Variants in KALRN observed in about 807,000 individuals in gnomAD.
KALRN encodes the protein kalirin.
Under a neutral mutation model 353.7 loss-of-function variants are expected in KALRN, and 70 were observed. The observed-to-expected ratio is 0.20, with a 90% CI of 0.16 to 0.24. The LOEUF (loss-of-function observed/expected upper bound fraction) is 0.24. Among genes scored for constraint, KALRN ranks in the 10% least tolerant of loss-of-function variants. The pLI is 1.00. For missense variants in KALRN, 2,791 were observed against 3,756.7 expected (o/e 0.74, Z 6.72); for synonymous variants, 1,391 against 1,434.8 (o/e 0.97, Z 0.69).
At chr3:124,543,134 A>G (rs2069224320) in intron 33 of KALRN, among the ~76,000 whole-genome samples, 3 of 152,260 alleles carry the variant, frequency 2.0e-5, no homozygotes, top group Admixed American at 1.3e-4. Context: ...GAGAACAAGG[A>G]GGAAGCAGCA....
chr3:124,294,520 C>CTTGTTTT (rs2076686506), intron 5 of KALRN, among the ~76,000 whole-genome samples: 1 of 73,894 alleles, frequency 1.4e-5, no homozygotes. Context: ...AGATTCTCTT[C>CTTGTTTT]TTTTTTTTTT....
intron 1 of KALRN, among the ~76,000 whole-genome samples, chr3:124,106,576 C>G (rs902378105): frequency 3.9e-5 from 6 of 152,098 alleles, no homozygotes; most frequent in African/African-American, 4.8e-5. Context: ...GACATCAGTT[C>G]CTCCTCCCTT....
At chr3:124,435,387 C>T (rs977196576) in intron 17 of KALRN, among the ~76,000 whole-genome samples, 5 of 152,160 alleles carry the variant, frequency 3.3e-5, no homozygotes, top group African/African-American at 4.8e-5. Flanking sequence ...AGGGCCATAA[C>T]GATGCAGTGT....
chr3:124,661,729 A>T, intron 44 of KALRN, 122 bp from the exon 45 acceptor site: 2 of 780,652 alleles, frequency 2.6e-6, no homozygotes, highest in Non-Finnish European at 4.6e-6. Flanking sequence ...CAGAACCAGC[A>T]TCCCTTCCTA....
chr3:124,366,881 G>C (rs1411979076), intron 10 of KALRN, among the ~76,000 whole-genome samples: 1 of 135,786 alleles, frequency 7.4e-6, no homozygotes, highest in Non-Finnish European at 1.6e-5. Flanking sequence ...CCGGGCGGGG[G>C]GCTGACCCCC....
At chr3:124,068,793 A>G (rs1473686800) in intron 1 of KALRN, among the ~76,000 whole-genome samples, 4 of 152,322 alleles carry the variant, frequency 2.6e-5, no homozygotes, top group East Asian at 1.9e-4. Context: ...AAAAAATATC[A>G]TGGAGCTTGG....
At chr3:124,453,152 A>G (rs2058962798) in intron 21 of KALRN, among the ~76,000 whole-genome samples, 1 of 152,238 alleles carries the variant, frequency 6.6e-6, no homozygotes, top group Admixed American at 6.5e-5. Context: ...AGAATCAAGT[A>G]GATTCTATTT....
intron 34 of KALRN, among the ~76,000 whole-genome samples, chr3:124,593,505 C>T (rs13079662): frequency 0.15 from 23,460 of 152,152 alleles, 1,953 homozygotes; most frequent in Middle Eastern, 0.19. Context: ...TAGTGCTGCT[C>T]ACTTGGAGGG....
chr3:124,362,741 T>C (rs1414280022), intron 10 of KALRN, among the ~76,000 whole-genome samples: 2 of 152,266 alleles, frequency 1.3e-5, no homozygotes, highest in East Asian at 1.9e-4. Flanking sequence ...TTTTAAAATA[T>C]CACCAAGGGA....
At chr3:124,381,962 A>G (rs2087454101) in intron 10 of KALRN, among the ~76,000 whole-genome samples, 2 of 152,142 alleles carry the variant, frequency 1.3e-5, no homozygotes, top group African/African-American at 2.4e-5. Context: ...CTCCCTCTCT[A>G]CTAAATCCTA....
At chr3:124,301,255 C>T (rs1337325032) in intron 6 of KALRN, among the ~76,000 whole-genome samples, 2 of 152,198 alleles carry the variant, frequency 1.3e-5, no homozygotes, top group African/African-American at 4.8e-5. Flanking sequence ...GTTAACAGCA[C>T]ATCAAAAACC....
chr3:124,548,169 A>C (rs1003576191), intron 33 of KALRN, among the ~76,000 whole-genome samples: 2 of 152,176 alleles, frequency 1.3e-5, no homozygotes, highest in East Asian at 3.8e-4. Flanking sequence ...CTAGCTACCA[A>C]ACTCATAACT....
At chr3:124,636,605 G>T (rs770839348) in intron 36 of KALRN, among the ~76,000 whole-genome samples, 5 of 152,132 alleles carry the variant, frequency 3.3e-5, no homozygotes, top group Non-Finnish European at 7.4e-5. Context: ...GAGGGGTAAG[G>T]GTGTATGTGT....
rs369652814 is a variant in KALRN, at chr3:124,685,807, G to A, written c.7377+6290G>A. The stretch of plus-strand genomic sequence containing the variant: ...CACGCCCTGTCATGCATGTTCCATC[G>A]CACCCTCACCCTAGACTGGGGGCCT... On this transcript the variant is annotated intron_variant, in intron 51 of 59. Transcript: ENST00000682506. 1.4e-3 allele frequency among the ~76,000 whole-genome samples: 214 copies of A among 152,166 alleles called. 9 individuals carry two copies. In the South Asian group the frequency reaches 0.042, roughly 30 times the overall value.
chr3:124,113,098 G>GT (rs2063141554), intron 1 of KALRN, among the ~76,000 whole-genome samples: 1 of 152,178 alleles, frequency 6.6e-6, no homozygotes, highest in Admixed American at 6.5e-5. Flanking sequence ...TTTTCAGGCA[G>GT]TATGCTGAGT....
intron 34 of KALRN, among the ~76,000 whole-genome samples, chr3:124,563,344 A>C (rs546998655): frequency 4.1e-4 from 63 of 152,320 alleles, no homozygotes; most frequent in African/African-American, 1.3e-3. Context: ...AGGTTGAATT[A>C]AGTAACCTCC....
intron 6 of KALRN, among the ~76,000 whole-genome samples, chr3:124,322,597 A>C (rs552239935): frequency 2.0e-5 from 3 of 152,280 alleles, no homozygotes; most frequent in Admixed American, 2.0e-4. Context: ...GGACAAACAT[A>C]ACTCCCAAAT....
intron 49 of KALRN, among the ~76,000 whole-genome samples, chr3:124,676,055 G>A (rs555714969): frequency 2.2e-4 from 34 of 152,202 alleles, no homozygotes; most frequent in Non-Finnish European, 4.4e-4. Flanking sequence ...TGGGATAAAG[G>A]CCCTCAAAGC....
At chr3:124,430,854 GGT>G in intron 16 of KALRN, 79 bp downstream of exon 16, 1 of 1,510,176 alleles carries the variant, frequency 6.6e-7, no homozygotes. Context: ...CTCAGGTGTG[GGT>G]GTTCCTTCAG....
Sources: gnomAD v4.1 joint callset for allele counts (sites outside exome capture counted in the v4.1 genomes callset) on GRCh38, gnomAD v4.1.1 for gene constraint, MANE v1.5 for transcripts, NCBI Gene and HGNC (gene_info 2026-07-23, HGNC 2026-07-21) for gene names.